Variants in ARHGEF10 observed in about 807,000 individuals in gnomAD.
ARHGEF10 encodes Rho guanine nucleotide exchange factor (GEF) 10.
Under a neutral mutation model 147.4 loss-of-function variants are expected in ARHGEF10, and 140 were observed. That is an observed-to-expected ratio of 0.95 (90% CI 0.83 to 1.09). ARHGEF10 has a LOEUF of 1.09. Among genes scored for constraint, ARHGEF10 ranks in the 50% least tolerant of loss-of-function variants. The pLI, the probability that ARHGEF10 is intolerant of heterozygous loss-of-function variation, is 0.00. For synonymous variants in ARHGEF10, 902 were observed against 695.8 expected (o/e 1.30, Z -4.67); for missense variants, 2,222 against 1,752.7 (o/e 1.27, Z -4.78).
chr8:1,942,343 G>A (rs779358996), intron 26 of ARHGEF10, among the ~76,000 whole-genome samples: 1 of 151,446 alleles, frequency 6.6e-6, no homozygotes, highest in Non-Finnish European at 1.5e-5. Flanking sequence ...TCGACCCATA[G>A]GCACACGAGA....
chr8:1,929,830 T>C (rs1034885587), intron 25 of ARHGEF10, among the ~76,000 whole-genome samples: 4 of 151,870 alleles, frequency 2.6e-5, no homozygotes, highest in African/African-American at 9.7e-5. Flanking sequence ...CCCGGTGCTG[T>C]GCCCTCGGTC....
chr8:1,832,630 A>G (rs1213608435), intron 1 of ARHGEF10, among the ~76,000 whole-genome samples: 2 of 103,296 alleles, frequency 1.9e-5, no homozygotes, highest in East Asian at 2.7e-4. Flanking sequence ...GCAGAGAGAG[A>G]CAGAGGCAGA....
intron 2 of ARHGEF10, among the ~76,000 whole-genome samples, chr8:1,849,721 G>A (rs73176769): frequency 0.059 from 8,382 of 141,506 alleles, 373 homozygotes; most frequent in Non-Finnish European, 0.095. Context: ...GGGTGGCCAC[G>A]TGGTCACAGA....
intron 1 of ARHGEF10, among the ~76,000 whole-genome samples, chr8:1,842,167 G>A (rs1466088897): frequency 6.6e-6 from 1 of 151,914 alleles, no homozygotes; most frequent in Non-Finnish European, 1.5e-5. Context: ...AAGTCTGGGG[G>A]ATGGAGGGAG....
intron 26 of ARHGEF10, among the ~76,000 whole-genome samples, chr8:1,936,211 C>G (rs1813589858): frequency 6.6e-6 from 1 of 152,162 alleles, no homozygotes; most frequent in East Asian, 1.9e-4. Flanking sequence ...AATGGACCAA[C>G]TCATCATTAA....
intron 1 of ARHGEF10, among the ~76,000 whole-genome samples, chr8:1,840,867 TG>T (rs1386926690): frequency 2.0e-5 from 3 of 152,042 alleles, no homozygotes; most frequent in Non-Finnish European, 4.4e-5. Context: ...CGGGTGCTGC[TG>T]GGGTGGAGAG....
intron 10 of ARHGEF10, among the ~76,000 whole-genome samples, chr8:1,884,911 C>T (rs528679126): frequency 2.8e-4 from 43 of 152,214 alleles, no homozygotes; most frequent in African/African-American, 8.9e-4. Flanking sequence ...AGTACAGGTG[C>T]TCACAACCAT....
chr8:1,930,206 G>A (rs1490169662), intron 25 of ARHGEF10, among the ~76,000 whole-genome samples: 1 of 152,030 alleles, frequency 6.6e-6, no homozygotes, highest in East Asian at 1.9e-4. Flanking sequence ...TCCTGGAGTG[G>A]AACACGCAGG....
chr8:1,934,096 A>T (rs562032948), intron 26 of ARHGEF10, among the ~76,000 whole-genome samples, 154 bp downstream of exon 26: 16 of 152,302 alleles, frequency 1.1e-4, no homozygotes, highest in African/African-American at 3.4e-4. Context: ...ACACTCTGGG[A>T]GGCCAAGGTT....
intron 25 of ARHGEF10, among the ~76,000 whole-genome samples, chr8:1,932,401 T>A (rs1276246439): frequency 6.6e-6 from 1 of 152,230 alleles, no homozygotes; most frequent in Non-Finnish European, 1.5e-5. Context: ...TGTGTCCCTG[T>A]GTGCATGTGA....
At position 1,957,080 on chromosome 8, in the gene ARHGEF10, C is replaced by G. The variant is rs1198342876; in HGVS notation, c.3852C>G (p.Leu1284=). 4 of 1,613,512 alleles carry G rather than the reference C, an allele frequency of 2.5e-6. No homozygotes were observed. The highest frequency in any genetic ancestry group is 3.4e-6 in the Non-Finnish European group (4 of 1,180,020). ...HRSEDSTIYD[L]LKDPVSLRSK... ...CAGAGGACAGCACCATCTATGATCT[C>G]CTGAAGGATCCTGTCTCGCTGAGAA... is the stretch of plus-strand genomic sequence containing the variant. Residue 1284 remains leucine (L), a synonymous_variant, in exon 29 of 29, where the codon CTC becomes CTG. Transcript: ENST00000349830.
intron 23 of ARHGEF10, chr8:1,927,243 A>C (rs939932716): frequency 6.5e-6 from 1 of 152,884 alleles, no homozygotes; most frequent in Admixed American, 6.5e-5. Flanking sequence ...CCAGGTAGGC[A>C]GACCTGTCAT....
chr8:1,896,787 T>G (rs940211007), intron 14 of ARHGEF10, among the ~76,000 whole-genome samples: 1 of 152,200 alleles, frequency 6.6e-6, no homozygotes, highest in South Asian at 2.1e-4. Flanking sequence ...AACATCTCAA[T>G]TCCAGGCCTC....
intron 1 of ARHGEF10, among the ~76,000 whole-genome samples, chr8:1,842,030 C>T (rs1222916416): frequency 9.0e-6 from 1 of 110,950 alleles, no homozygotes; most frequent in Non-Finnish European, 1.9e-5. Context: ...GAACTGGGGC[C>T]GCGGCGGGAA....
At chr8:1,931,586 C>T (rs1813152607) in intron 25 of ARHGEF10, among the ~76,000 whole-genome samples, 2 of 152,334 alleles carry the variant, frequency 1.3e-5, no homozygotes, top group South Asian at 2.1e-4. Context: ...CGCAGAAGCG[C>T]ATAGCCTGCC....
At chr8:1,827,470 G>A (rs893052705) in intron 1 of ARHGEF10, among the ~76,000 whole-genome samples, 1 of 152,058 alleles carries the variant, frequency 6.6e-6, no homozygotes, top group East Asian at 1.9e-4. Context: ...CACCGTGCCC[G>A]GCTAATTTTT....
chr8:1,932,474 GTGACATGTGCACGTGTGTGTGTGCATA>G (rs1490204789), intron 25 of ARHGEF10, among the ~76,000 whole-genome samples: 1 of 152,110 alleles, frequency 6.6e-6, no homozygotes, highest in Non-Finnish European at 1.5e-5. Context: ...GTGTATGTGT[GTGACATGTGCACGTGTGTGTGTGCATA>G]TGGCATGTGC....
chr8:1,889,457 G>A (rs553344272), intron 11 of ARHGEF10, among the ~76,000 whole-genome samples: 11 of 74,512 alleles, frequency 1.5e-4, no homozygotes, highest in African/African-American at 7.3e-4. Flanking sequence ...TGAGTGGGGT[G>A]AGGGGTCTGT....
At chr8:1,869,725 G>A in intron 7 of ARHGEF10, 1 of 238,916 alleles carries the variant, frequency 4.2e-6, no homozygotes, top group East Asian at 1.1e-4. Flanking sequence ...CGATGCAATG[G>A]AGGCCGCGGA....
Sources: gnomAD v4.1 joint callset for allele counts (sites outside exome capture counted in the v4.1 genomes callset) on GRCh38, gnomAD v4.1.1 for gene constraint, MANE v1.5 for transcripts, NCBI Gene and HGNC (gene_info 2026-07-23, HGNC 2026-07-21) for gene names.